HADH: variants seen among roughly 807,000 people sequenced by gnomAD.
The protein encoded by HADH is hydroxyacyl-CoA dehydrogenase, also known as hydroxyacyl-coenzyme A dehydrogenase, mitochondrial.
Under a neutral mutation model 32.2 loss-of-function variants are expected in HADH, and 24 were observed. The observed-to-expected ratio is 0.75, with a 90% CI of 0.54 to 1.05. The LOEUF is 1.05. HADH is among the 50% of genes least tolerant of loss of function. The pLI, the probability that HADH is intolerant of heterozygous loss-of-function variation, is 0.00. For synonymous variants in HADH, 139 were observed against 152.5 expected (o/e 0.91, Z 0.65); for missense variants, 350 against 397.1 (o/e 0.88, Z 1.01).
At chr4:108,009,976 TC>T (rs373556799) in intron 2 of HADH, 89 bp downstream of exon 2, 29 of 766,732 alleles carry the variant, frequency 3.8e-5, no homozygotes, top group African/African-American at 8.4e-5. Flanking sequence ...TTTCTTTCTT[TC>T]TTTTTTTTTT....
chr4:108,015,243 C>T (rs2126229736), intron 3 of HADH, among the ~76,000 whole-genome samples: 1 of 152,292 alleles, frequency 6.6e-6, no homozygotes, highest in East Asian at 1.9e-4. Flanking sequence ...TTTACATTGC[C>T]ACCACCAGCA....
chr4:108,023,541 G>C lies in HADH; in HGVS notation c.614G>C (p.Gly205Ala), dbSNP rs144699575. The stretch of plus-strand genomic sequence containing the variant: ...TTGGTAGACTTTAGCAAAGCCCTAG[G>C]AAAGCATCCTGTTTCTTGCAAGGTA... ...ESLVDFSKALGKHPVSCKDTP... is the reference protein window; with the variant it reads ...ESLVDFSKALAKHPVSCKDTP... Residue 205 changes from glycine to alanine, a missense_variant, in exon 5 of 8, where the codon GGA (glycine) becomes GCA (alanine). Transcript: ENST00000309522. 213 of 1,607,478 alleles carry C rather than the reference G, an allele frequency of 1.3e-4. No homozygotes were observed. The African/African-American group carries it at 2.5e-3, about 19-fold the overall frequency.
At chr4:108,031,750 G>A (rs1736271613) in intron 6 of HADH, 1 of 152,158 alleles carries the variant, frequency 6.6e-6, no homozygotes, top group Non-Finnish European at 1.5e-5. Context: ...ACACATCTGA[G>A]TTCTCCCATT....
rs1478722974 is a variant in HADH, at chr4:108,034,705, T to C, written c.*348T>C. 1 of 359,498 alleles carries C rather than the reference T, an allele frequency of 2.8e-6. No individual in the cohort carries two copies. Among genetic ancestry groups the C allele is most frequent in the Non-Finnish European group, 5.4e-6 (1 of 183,978 alleles). 22.3% of individuals were successfully genotyped at this position (359,498 alleles called of 1,614,324 possible). On this transcript the variant is annotated 3_prime_UTR_variant, in exon 8 of 8. Transcript: ENST00000309522. ...AACGGGAAAGTACTTCCTCTGAGAG[T>C]GCGAGTGCACCATGCTCACTGTTGC...
At chr4:108,020,212 G>A (rs1345357825) in intron 4 of HADH, among the ~76,000 whole-genome samples, 1 of 152,222 alleles carries the variant, frequency 6.6e-6, no homozygotes, top group African/African-American at 2.4e-5. Context: ...GCTCATGCCT[G>A]TAATCCTAGA....
chr4:108,029,170 C>G, intron 6 of HADH: 1 of 329,736 alleles, frequency 3.0e-6, no homozygotes, highest in Admixed American at 4.9e-5. Flanking sequence ...CATGTCCCCC[C>G]GCCCACCACC....
chr4:107,996,290 A>C (rs1343570471), intron 1 of HADH, among the ~76,000 whole-genome samples: 2 of 152,160 alleles, frequency 1.3e-5, no homozygotes, highest in Admixed American at 6.5e-5. Context: ...AGGCATTTGG[A>C]TTTATAACTC....
chr4:108,005,751 T>C (rs1735274816), intron 1 of HADH, among the ~76,000 whole-genome samples: 1 of 152,152 alleles, frequency 6.6e-6, no homozygotes, highest in Non-Finnish European at 1.5e-5. Flanking sequence ...GTGTCTGGCA[T>C]TTGGAACGCA....
chr4:108,014,002 C>T (rs1735598867), intron 2 of HADH, among the ~76,000 whole-genome samples: 1 of 152,008 alleles, frequency 6.6e-6, no homozygotes, highest in South Asian at 2.1e-4. Flanking sequence ...CCAATTCTGT[C>T]CTTATTGAGG....
chr4:107,993,297 C>T (rs569087627), intron 1 of HADH, among the ~76,000 whole-genome samples: 6 of 152,242 alleles, frequency 3.9e-5, no homozygotes, highest in Non-Finnish European at 8.8e-5. Flanking sequence ...TGCATATACC[C>T]GCTGATGCTG....
chr4:107,993,988 A>C (rs1041792182), intron 1 of HADH, among the ~76,000 whole-genome samples: 15 of 152,180 alleles, frequency 9.9e-5, no homozygotes, highest in Non-Finnish European at 2.1e-4. Context: ...AATCCTTTCT[A>C]GGCTTTGCTT....
chr4:108,015,120 G>GA (rs1227717353), intron 3 of HADH, among the ~76,000 whole-genome samples: 9 of 152,194 alleles, frequency 5.9e-5, no homozygotes, highest in African/African-American at 2.2e-4. Context: ...TTGATAGAAT[G>GA]AGTTTTTTTC....
At chr4:108,008,053 A>C (rs767803026) in intron 1 of HADH, among the ~76,000 whole-genome samples, 6 of 152,236 alleles carry the variant, frequency 3.9e-5, no homozygotes, top group Non-Finnish European at 8.8e-5. Flanking sequence ...ATTGCAACAC[A>C]ATAAATTGTG....
At chr4:107,992,850 C>T (rs1487653779) in intron 1 of HADH, among the ~76,000 whole-genome samples, 2 of 152,132 alleles carry the variant, frequency 1.3e-5, no homozygotes, top group Non-Finnish European at 2.9e-5. Context: ...CATGGTGGCT[C>T]AAGCCTGTAA....
At chr4:108,012,269 A>G (rs2126227931) in intron 2 of HADH, among the ~76,000 whole-genome samples, 1 of 152,244 alleles carries the variant, frequency 6.6e-6, no homozygotes, top group East Asian at 1.9e-4. Flanking sequence ...AGATAATTTT[A>G]CCTTCTCTAG....
intron 1 of HADH, among the ~76,000 whole-genome samples, chr4:108,007,349 C>T (rs1166437509): frequency 3.9e-5 from 6 of 152,218 alleles, no homozygotes; most frequent in East Asian, 3.9e-4. Flanking sequence ...TCTTGTGATC[C>T]GCCTGCCTCG....
At position 108,019,619 on chromosome 4, in the gene HADH, G is replaced by A; in HGVS notation, c.499G>A (p.Ala167Thr). The change falls in exon 4 of 8, where the codon GCT becomes ACT. Residue 167 changes from alanine to threonine, a missense_variant. Transcript: ENST00000309522. The stretch of plus-strand genomic sequence containing the variant: ...TGCCACCACCAGACAAGACCGATTC[G>A]CTGGCCTCCATTTCTTCAACCCAGT... ...ANATTRQDRFAGLHFFNPVPV... is the reference protein window; with the variant it reads ...ANATTRQDRFTGLHFFNPVPV... 3 of 1,614,070 alleles carry A rather than the reference G, an allele frequency of 1.9e-6. No individual in the cohort carries two copies. Among genetic ancestry groups the A allele is most frequent in the Non-Finnish European group, 1.7e-6 (2 of 1,179,962 alleles).
chr4:108,023,189 T>G (rs568419494), intron 4 of HADH, among the ~76,000 whole-genome samples: 1 of 152,312 alleles, frequency 6.6e-6, no homozygotes, highest in East Asian at 1.9e-4. Flanking sequence ...AGATAGGGTT[T>G]CACCATGTTA....
intron 1 of HADH, among the ~76,000 whole-genome samples, chr4:108,003,574 G>A (rs1735187920): frequency 1.3e-5 from 2 of 152,176 alleles, no homozygotes; most frequent in African/African-American, 4.8e-5. Flanking sequence ...AGCCTCAGGT[G>A]ATTAAGGAGG....
Sources: gnomAD v4.1 joint callset for allele counts (sites outside exome capture counted in the v4.1 genomes callset) on GRCh38, gnomAD v4.1.1 for gene constraint, MANE v1.5 for transcripts, NCBI Gene and HGNC (gene_info 2026-07-23, HGNC 2026-07-21) for gene names.